Variants in TMEM163 observed in about 807,000 individuals in gnomAD.
TMEM163 encodes transmembrane protein 163.
A neutral mutation model predicts 29.3 loss-of-function variants in TMEM163; 17 were observed. The observed-to-expected ratio is 0.58, with a 90% CI of 0.40 to 0.87. TMEM163 has a LOEUF of 0.87. Among genes scored for constraint, TMEM163 ranks in the 40% least tolerant of loss-of-function variants. The pLI is 0.00. For missense variants in TMEM163, 303 were observed against 381.5 expected, an observed-to-expected ratio of 0.79 and a Z score of 1.71; for synonymous variants, 157 against 160.6, an observed-to-expected ratio of 0.98 and a Z score of 0.17.
At chr2:134,503,028 C>A in intron 4 of TMEM163, 31 bp from the exon 5 acceptor site, 4 of 1,577,708 alleles carry the variant, frequency 2.5e-6, no homozygotes, top group Non-Finnish European at 3.5e-6. Context: ...AGAATCTTAA[C>A]TGGGAGAACT....
At chr2:134,578,441 C>T (rs1681613102) in intron 2 of TMEM163, among the ~76,000 whole-genome samples, 1 of 152,182 alleles carries the variant, frequency 6.6e-6, no homozygotes, top group Non-Finnish European at 1.5e-5. Flanking sequence ...CGTGATGTTC[C>T]TGTCAGCCAG....
chr2:134,522,344 A>G (rs1403007888), intron 4 of TMEM163, among the ~76,000 whole-genome samples: 1 of 152,262 alleles, frequency 6.6e-6, no homozygotes, highest in Non-Finnish European at 1.5e-5. Flanking sequence ...GGCTGAATTC[A>G]TCACAGAGAA....
intron 2 of TMEM163, among the ~76,000 whole-genome samples, chr2:134,693,567 A>G (rs1684519489): frequency 6.6e-6 from 1 of 150,600 alleles, no homozygotes; most frequent in South Asian, 2.1e-4. Flanking sequence ...CAAGATTGCA[A>G]CACTGCACTC....
chr2:134,469,003 G>C (rs62168977), intron 5 of TMEM163: 12,674 of 152,056 alleles, frequency 0.083, 696 homozygotes, highest in East Asian at 0.17. Flanking sequence ...TGTTGTGAAG[G>C]GGCCCAAACA....
At chr2:134,655,902 C>A (rs28838333) in intron 2 of TMEM163, among the ~76,000 whole-genome samples, 1 of 135,156 alleles carries the variant, frequency 7.4e-6, no homozygotes. Flanking sequence ...GCAGTCTGCC[C>A]GTTCTCAGAT....
intron 5 of TMEM163, among the ~76,000 whole-genome samples, chr2:134,499,356 C>A (rs1389792316): frequency 6.6e-6 from 1 of 152,164 alleles, no homozygotes; most frequent in African/African-American, 2.4e-5. Flanking sequence ...GTGGCACAGG[C>A]CACACACATC....
chr2:134,646,190 T>C (rs1683332348), intron 2 of TMEM163, among the ~76,000 whole-genome samples: 2 of 151,814 alleles, frequency 1.3e-5, no homozygotes, highest in South Asian at 4.2e-4. Flanking sequence ...GTTCAAAGGA[T>C]TTTTCCGCCT....
At chr2:134,502,356 G>A (rs1296430543) in intron 5 of TMEM163, among the ~76,000 whole-genome samples, 1 of 152,140 alleles carries the variant, frequency 6.6e-6, no homozygotes, top group African/African-American at 2.4e-5. Flanking sequence ...AGGGGAGGGA[G>A]GGAAAAAGAA....
chr2:134,555,935 T>C (rs1681039357), intron 2 of TMEM163, among the ~76,000 whole-genome samples: 1 of 152,198 alleles, frequency 6.6e-6, no homozygotes, highest in Non-Finnish European at 1.5e-5. Context: ...CATTAACTTG[T>C]CCCATGTCCA....
At chr2:134,539,506 A>C (rs1009362772) in intron 4 of TMEM163, among the ~76,000 whole-genome samples, 20 of 152,220 alleles carry the variant, frequency 1.3e-4, no homozygotes, top group Admixed American at 6.5e-5. Flanking sequence ...CTTTGTTCTC[A>C]CACTGGCTTG....
chr2:134,671,105 G>A (rs906813335), intron 2 of TMEM163, among the ~76,000 whole-genome samples: 2 of 152,280 alleles, frequency 1.3e-5, no homozygotes, highest in East Asian at 1.9e-4. Flanking sequence ...ATTGGGACTG[G>A]GGACTGCTTC....
At chr2:134,667,608 GTC>G (rs751080141) in intron 2 of TMEM163, among the ~76,000 whole-genome samples, 1 of 152,172 alleles carries the variant, frequency 6.6e-6, no homozygotes, top group Non-Finnish European at 1.5e-5. Flanking sequence ...ACTATCTGGG[GTC>G]TCTTATGACA....
intron 2 of TMEM163, among the ~76,000 whole-genome samples, chr2:134,632,838 G>C (rs2104833395): frequency 6.7e-6 from 1 of 150,038 alleles, no homozygotes; most frequent in East Asian, 1.9e-4. Context: ...TGCCTCCCGG[G>C]TTCACGCCAT....
chr2:134,528,047 C>T (rs896109869), intron 4 of TMEM163, among the ~76,000 whole-genome samples: 17 of 152,176 alleles, frequency 1.1e-4, no homozygotes, highest in African/African-American at 4.1e-4. Flanking sequence ...TAAGAGGACA[C>T]AGAAGTCCAA....
At position 134,456,738 on chromosome 2, in the gene TMEM163, C is replaced by T. The variant is rs200812680; in HGVS notation, c.848G>A (p.Arg283His). The change falls in exon 8 of 8, where the codon CGT becomes CAT. Residue 283 changes from arginine to histidine, a missense_variant. Around this residue, in one of 2 missense-constraint regions of TMEM163, gnomAD observed 203 missense variants for 294.3 expected, o/e 0.69. Transcript: ENST00000281924. ...CCTTCACTCAAACATCTCGTAGTGA[C>T]GTGTCTGCCTCACCCTCGGCACCAT... Reference protein sequence around the residue: ...IDMVPRVRQTRHYEMFE With the variant: ...IDMVPRVRQTHHYEMFE 102 of 1,613,872 alleles carry T rather than the reference C, an allele frequency of 6.3e-5. No homozygotes were observed. In the Middle Eastern group the frequency reaches 1.3e-3, roughly 21 times the overall value.
intron 2 of TMEM163, among the ~76,000 whole-genome samples, chr2:134,698,619 T>C (rs1397416499): frequency 6.6e-6 from 1 of 152,160 alleles, no homozygotes; most frequent in Non-Finnish European, 1.5e-5. Flanking sequence ...TACAGTTTTT[T>C]TCTGTTTCTT....
intron 2 of TMEM163, among the ~76,000 whole-genome samples, chr2:134,615,044 G>GACAC (rs1327097805): frequency 6.6e-6 from 1 of 151,448 alleles, no homozygotes; most frequent in Non-Finnish European, 1.5e-5. Flanking sequence ...CATTAACATA[G>GACAC]ACACACACAC....
chr2:134,520,154 T>C (rs982675524), intron 4 of TMEM163, among the ~76,000 whole-genome samples: 8 of 152,166 alleles, frequency 5.3e-5, no homozygotes, highest in African/African-American at 1.7e-4. Flanking sequence ...CAACCTGTCA[T>C]TGTGTGTTTG....
At chr2:134,575,499 A>C (rs1043350987) in intron 2 of TMEM163, among the ~76,000 whole-genome samples, 5 of 152,162 alleles carry the variant, frequency 3.3e-5, no homozygotes, top group African/African-American at 1.2e-4. Context: ...CTTAGGTCAC[A>C]GTTTGGTAGA....
Sources: gnomAD v4.1 joint callset for allele counts (sites outside exome capture counted in the v4.1 genomes callset) on GRCh38, gnomAD v4.1.1 for gene constraint, gnomAD v4.1.1 regional missense constraint, MANE v1.5 for transcripts, NCBI Gene and HGNC (gene_info 2026-07-23, HGNC 2026-07-21) for gene names.